TNRC6C: variants seen among roughly 807,000 people sequenced by gnomAD.
The protein encoded by TNRC6C is trinucleotide repeat-containing gene 6C protein.
In TNRC6C, 20 loss-of-function variants were observed where a neutral mutation model predicts 153.7. The ratio of observed to expected loss-of-function variants is 0.13; its 90% CI spans 0.09 to 0.19. The LOEUF (loss-of-function observed/expected upper bound fraction) is 0.19, where lower values mean the gene tolerates loss of function less well. TNRC6C is among the 10% of genes least tolerant of loss of function. TNRC6C has a pLI of 1.00. For synonymous variants in TNRC6C, 811 were observed against 841.4 expected (o/e 0.96, Z 0.63); for missense variants, 1,987 against 2,172.0 (o/e 0.91, Z 1.69).
At chr17:78,009,968 C>T (rs2071595844) in intron 1 of TNRC6C, among the ~76,000 whole-genome samples, 1 of 152,148 alleles carries the variant, frequency 6.6e-6, no homozygotes, top group Non-Finnish European at 1.5e-5. Flanking sequence ...ACTGCAGCCA[C>T]CACCTCCGAG....
At chr17:78,029,416 G>C (rs1372666338) in intron 1 of TNRC6C, among the ~76,000 whole-genome samples, 1 of 152,198 alleles carries the variant, frequency 6.6e-6, no homozygotes, top group Non-Finnish European at 1.5e-5. Flanking sequence ...CAACACAATG[G>C]TAAGTATTTA....
upstream of TNRC6C, among the ~76,000 whole-genome samples, chr17:77,959,088 G>T (rs1318961189): frequency 6.9e-6 from 1 of 144,510 alleles, no homozygotes; most frequent in East Asian, 2.0e-4. Context: ...CGCCCGCGCC[G>T]CCGCCGCAGC....
intron 15 of TNRC6C, 122 bp from the exon 18 acceptor site, chr17:78,093,498 C>T (rs1292979657): frequency 1.7e-6 from 2 of 1,204,638 alleles, no homozygotes; most frequent in African/African-American, 1.5e-5. Context: ...ATAAGGTGTA[C>T]CTCTAATTTA....
At chr17:78,068,981 G>C (rs1011128455) in intron 5 of TNRC6C, among the ~76,000 whole-genome samples, 19 of 151,986 alleles carry the variant, frequency 1.3e-4, no homozygotes, top group African/African-American at 4.6e-4. Flanking sequence ...ATGAAAACAT[G>C]AAAGAACATT....
intron 10 of TNRC6C, among the ~76,000 whole-genome samples, chr17:78,080,373 G>A (rs2073158227): frequency 6.6e-6 from 1 of 152,184 alleles, no homozygotes; most frequent in Non-Finnish European, 1.5e-5. Flanking sequence ...TTGACCCGGG[G>A]AGGTGGAGAT....
At chr17:78,093,577 C>A (rs115005793) in intron 15 of TNRC6C, 43 bp from the exon 18 acceptor site, 1 of 1,607,592 alleles carries the variant, frequency 6.2e-7, no homozygotes, top group East Asian at 2.2e-5. Flanking sequence ...ATCAATGTGC[C>A]GGTGTTCTGA....
intron 3 of TNRC6C, among the ~76,000 whole-genome samples, chr17:78,051,842 A>G (rs1351910003): frequency 6.6e-6 from 1 of 152,244 alleles, no homozygotes; most frequent in Non-Finnish European, 1.5e-5. Context: ...AAGTTGGCAG[A>G]TGACTGTGTC....
chr17:78,056,802 A>G (rs1238912758), intron 3 of TNRC6C, among the ~76,000 whole-genome samples: 3 of 144,520 alleles, frequency 2.1e-5, no homozygotes. Context: ...TAGCCAAAAC[A>G]TGGGAGCTTC....
intron 2 of TNRC6C, among the ~76,000 whole-genome samples, chr17:78,047,162 T>G (rs1412695235): frequency 6.6e-6 from 1 of 152,188 alleles, no homozygotes; most frequent in Non-Finnish European, 1.5e-5. Context: ...TAATATTTGC[T>G]GGCAACAAGC....
chr17:77,988,086 T>G (rs2071197293), intron 1 of TNRC6C, among the ~76,000 whole-genome samples: 1 of 152,104 alleles, frequency 6.6e-6, no homozygotes, highest in African/African-American at 2.4e-5. Context: ...GCACAGTGGC[T>G]CATGCCTGTA....
At chr17:78,039,294 G>A (rs2072244016) in intron 2 of TNRC6C, among the ~76,000 whole-genome samples, 2 of 140,022 alleles carry the variant, frequency 1.4e-5, no homozygotes, top group African/African-American at 2.7e-5. Flanking sequence ...CCACAGAACA[G>A]CAATTTCAAA....
intron 6 of TNRC6C, among the ~76,000 whole-genome samples, chr17:78,072,188 C>T (rs1233696243): frequency 6.6e-6 from 1 of 152,212 alleles, no homozygotes; most frequent in Non-Finnish European, 1.5e-5. Context: ...CCAGGCTCTG[C>T]CTGTGTGAGT....
At chr17:77,968,598 C>T (rs571421369) in intron 1 of TNRC6C, among the ~76,000 whole-genome samples, 1 of 152,202 alleles carries the variant, frequency 6.6e-6, no homozygotes, top group Admixed American at 6.5e-5. Context: ...CCACCTCGGC[C>T]TCCCAAAGTG....
intron 4 of TNRC6C, 73 bp from the exon 7 acceptor site, chr17:78,067,684 T>C (rs927406627): frequency 6.9e-7 from 1 of 1,451,192 alleles, no homozygotes; most frequent in Non-Finnish European, 9.1e-7. Flanking sequence ...ACCCCTAAAT[T>C]ATATGTTACA....
At chr17:78,006,113 C>T (rs2071490882) in intron 1 of TNRC6C, among the ~76,000 whole-genome samples, 1 of 152,076 alleles carries the variant, frequency 6.6e-6, no homozygotes, top group Admixed American at 6.5e-5. Flanking sequence ...CATAGCTGAA[C>T]AGGAAAGGAA....
chr17:78,066,568 G>A (rs2072883918), intron 4 of TNRC6C: 2 of 152,058 alleles, frequency 1.3e-5, no homozygotes, highest in South Asian at 2.1e-4. Context: ...TATCAGCCTT[G>A]TATCTTCATT....
chr17:78,051,598 T>C, intron 3 of TNRC6C, 150 bp downstream of exon 5: 1 of 899,570 alleles, frequency 1.1e-6, no homozygotes, highest in Non-Finnish European at 1.5e-6. Flanking sequence ...CAATATTGTA[T>C]CTAAAGATTA....
In TNRC6C at chr17:77,991,022, C is replaced by T. The variant is rs961217559; in HGVS notation, c.-37-13148C>T. On this transcript the variant is annotated intron_variant, in intron 1 of 22. Transcript: ENST00000636222. ...CTTAGTGATGCATAAAATAATGGTG[C>T]ATCTTATATTCGAAGGTAGATTAGG... Among the ~76,000 whole-genome samples the T allele has an allele frequency of 2.6e-5, 4 of 152,202 alleles. No homozygotes were observed. In the East Asian group the frequency reaches 7.7e-4, roughly 29 times the overall value.
intron 1 of TNRC6C, among the ~76,000 whole-genome samples, chr17:78,006,510 CTT>C (rs1417813875): frequency 6.3e-5 from 7 of 110,948 alleles, no homozygotes; most frequent in African/African-American, 1.2e-4. Context: ...TCTTCTTCTT[CTT>C]CTTCTTCTTC....
Sources: gnomAD v4.1 joint callset for allele counts (sites outside exome capture counted in the v4.1 genomes callset) on GRCh38, gnomAD v4.1.1 for gene constraint, MANE v1.5 for transcripts, NCBI Gene and HGNC (gene_info 2026-07-23, HGNC 2026-07-21) for gene names.